Variants in ZNF536 observed in about 807,000 individuals in gnomAD.
ZNF536 encodes the protein zinc finger protein 536.
ZNF536 carries 13 observed loss-of-function variants against 84.5 expected under a neutral mutation model. The ratio of observed to expected loss-of-function variants is 0.15; its 90% CI spans 0.10 to 0.24. The LOEUF (loss-of-function observed/expected upper bound fraction) is 0.24, where lower values mean the gene tolerates loss of function less well. Among genes scored for constraint, ZNF536 ranks in the 10% least tolerant of loss-of-function variants. ZNF536 has a pLI of 1.00. For synonymous variants in ZNF536, 811 were observed against 742.5 expected, an observed-to-expected ratio of 1.09 and a Z score of -1.50; for missense variants, 1,536 against 1,747.5, an observed-to-expected ratio of 0.88 and a Z score of 2.16.
intron 1 of ZNF536, among the ~76,000 whole-genome samples, chr19:30,251,446 C>A (rs985302409): frequency 6.6e-6 from 1 of 152,094 alleles, no homozygotes; most frequent in Non-Finnish European, 1.5e-5. Flanking sequence ...GAAGGGGGAG[C>A]AGGAACTCAC....
intron 1 of ZNF536, among the ~76,000 whole-genome samples, chr19:30,261,939 G>A (rs2025248810): frequency 6.6e-6 from 1 of 152,042 alleles, no homozygotes; most frequent in Admixed American, 6.6e-5. Flanking sequence ...CCTGGTGAGT[G>A]TTTTATTGAG....
intron 2 of ZNF536, among the ~76,000 whole-genome samples, chr19:30,461,434 C>T (rs754246218): frequency 2.6e-5 from 4 of 152,140 alleles, no homozygotes; most frequent in African/African-American, 4.8e-5. Flanking sequence ...GGAGTCATCC[C>T]GACATCCCTT....
At chr19:30,629,574 A>G (rs995222901) in intron 1 of ZNF536, among the ~76,000 whole-genome samples, 1 of 152,240 alleles carries the variant, frequency 6.6e-6, no homozygotes, top group African/African-American at 2.4e-5. Flanking sequence ...AGAAGGGGCA[A>G]GGCTCAGAGA....
rs1600011294 is a variant in ZNF536 at position 30,274,844 on chromosome 19, T to A, written c.-189-9228T>A. Among the ~76,000 whole-genome samples the A allele has an allele frequency of 1.3e-5, 2 of 152,368 alleles. 1 individual carries two copies. Among genetic ancestry groups the A allele is most frequent in the Non-Finnish European group, 2.9e-5 (2 of 68,030 alleles). ...AACAACTCTCCAGTTTCCAGTTATT[T>A]TACATCTCTTCTTCAAGATGCATTA... On this transcript the variant is annotated intron_variant, in intron 1 of 5. Transcript: ENST00000585628.
At chr19:30,346,143 G>C (rs573641497) in intron 2 of ZNF536, among the ~76,000 whole-genome samples, 6 of 152,194 alleles carry the variant, frequency 3.9e-5, no homozygotes, top group South Asian at 4.1e-4. Flanking sequence ...GGACCCCAAG[G>C]GTTTCCAAGG....
At chr19:30,486,305 T>C (rs553174230) in intron 2 of ZNF536, among the ~76,000 whole-genome samples, 6 of 152,296 alleles carry the variant, frequency 3.9e-5, no homozygotes, top group African/African-American at 1.4e-4. Flanking sequence ...CCTGTGTCCA[T>C]GTGTTCTTAT....
chr19:30,675,207 T>C (rs989039445), intron 1 of ZNF536, among the ~76,000 whole-genome samples: 1 of 152,200 alleles, frequency 6.6e-6, no homozygotes, highest in Non-Finnish European at 1.5e-5. Context: ...CATTAGACAC[T>C]TCCACAGAGA....
chr19:30,509,416 C>T (rs1362706455), intron 2 of ZNF536, among the ~76,000 whole-genome samples: 2 of 145,792 alleles, frequency 1.4e-5, no homozygotes, highest in African/African-American at 5.0e-5. Context: ...ATATGTATAA[C>T]ATATTATAAT....
chr19:30,434,916 ATG>A (rs1213458996), intron 1 of ZNF536, among the ~76,000 whole-genome samples: 5 of 150,096 alleles, frequency 3.3e-5, no homozygotes, highest in African/African-American at 7.4e-5. Flanking sequence ...GATGATGCTG[ATG>A]CTGATGCTGA....
intron 1 of ZNF536, among the ~76,000 whole-genome samples, chr19:30,701,371 A>G (rs1275998604): frequency 1.3e-5 from 2 of 151,838 alleles, no homozygotes; most frequent in African/African-American, 4.8e-5. Flanking sequence ...ACACAAATAC[A>G]CAAACACAAA....
intron 1 of ZNF536, among the ~76,000 whole-genome samples, chr19:30,276,855 G>GT (rs35063663): frequency 3.8e-4 from 57 of 149,910 alleles, no homozygotes; most frequent in East Asian, 3.9e-4. Context: ...TTGTCTTCAT[G>GT]TTTTTTTTTT....
At chr19:30,479,231 G>A (rs1286950275) in intron 2 of ZNF536, among the ~76,000 whole-genome samples, 1 of 152,146 alleles carries the variant, frequency 6.6e-6, no homozygotes, top group Non-Finnish European at 1.5e-5. Context: ...GCCAGTGGAA[G>A]CCTCATCATT....
intron 1 of ZNF536, among the ~76,000 whole-genome samples, chr19:30,573,630 C>T (rs1217879903): frequency 6.6e-6 from 1 of 152,226 alleles, no homozygotes; most frequent in African/African-American, 2.4e-5. Context: ...CCAAGACTGT[C>T]CATGACAGAG....
chr19:30,608,999 GTC>G (rs1434886099), intron 1 of ZNF536, among the ~76,000 whole-genome samples: 1 of 152,216 alleles, frequency 6.6e-6, no homozygotes, highest in African/African-American at 2.4e-5. Flanking sequence ...GCCCATACGT[GTC>G]TCTCTCATCT....
At chr19:30,326,828 T>A (rs920912477) in intron 2 of ZNF536, among the ~76,000 whole-genome samples, 6 of 145,950 alleles carry the variant, frequency 4.1e-5, no homozygotes, top group Non-Finnish European at 7.5e-5. Context: ...TGTTTTCTAG[T>A]TGGGCGCAGT....
intron 1 of ZNF536, among the ~76,000 whole-genome samples, chr19:30,709,258 T>C (rs2052366157): frequency 6.6e-6 from 1 of 152,162 alleles, no homozygotes; most frequent in Non-Finnish European, 1.5e-5. Context: ...ATTCAAAATC[T>C]ACCTTCTTTA....
chr19:30,534,476 C>T (rs2044986042), intron 2 of ZNF536, among the ~76,000 whole-genome samples: 1 of 152,096 alleles, frequency 6.6e-6, no homozygotes. Context: ...GTGAACTCTA[C>T]AGTGAGTCCA....
upstream of ZNF536, among the ~76,000 whole-genome samples, chr19:30,368,336 C>T (rs187436211): frequency 3.3e-5 from 5 of 152,348 alleles, no homozygotes; most frequent in Admixed American, 3.3e-4. Context: ...GAATGGTGCA[C>T]ACTACGGCTG....
intron 1 of ZNF536, among the ~76,000 whole-genome samples, chr19:30,232,553 G>A (rs571431623): frequency 9.2e-5 from 14 of 151,976 alleles, no homozygotes; most frequent in East Asian, 1.9e-4. Flanking sequence ...CTGTTCCTGC[G>A]TTAATTCGCT....
Sources: gnomAD v4.1 joint callset for allele counts (sites outside exome capture counted in the v4.1 genomes callset) on GRCh38, gnomAD v4.1.1 for gene constraint, MANE v1.5 for transcripts, NCBI Gene and HGNC (gene_info 2026-07-23, HGNC 2026-07-21) for gene names.